Variants in PPP4R4 observed in about 807,000 individuals in gnomAD.
PPP4R4 encodes the protein protein phosphatase 4 regulatory subunit 4, also known as serine/threonine-protein phosphatase 4 regulatory subunit 4.
In PPP4R4, 70 loss-of-function variants were observed where a neutral mutation model predicts 121.8. That is an observed-to-expected ratio of 0.57 (90% confidence interval 0.47 to 0.70). The LOEUF (loss-of-function observed/expected upper bound fraction) is 0.70. Among genes scored for constraint, PPP4R4 ranks in the 30% least tolerant of loss-of-function variants. The pLI is 0.00. For missense variants in PPP4R4, 875 were observed against 1,033.6 expected (o/e 0.85, Z 2.10); for synonymous variants, 348 against 355.7 (o/e 0.98, Z 0.24).
intron 23 of PPP4R4, 83 bp from the exon 24 acceptor site, chr14:94,275,291 G>A (rs185014979): frequency 7.0e-7 from 1 of 1,432,188 alleles, no homozygotes; most frequent in Admixed American, 1.9e-5. Context: ...GAAAAAGTTA[G>A]CTATCATTAA....
At chr14:94,276,304 C>G (rs898964335) in intron 24 of PPP4R4, among the ~76,000 whole-genome samples, 7 of 152,168 alleles carry the variant, frequency 4.6e-5, no homozygotes, top group African/African-American at 1.7e-4. Context: ...TTCTTAAATA[C>G]ATTCTTTTGC....
intron 3 of PPP4R4, among the ~76,000 whole-genome samples, chr14:94,228,259 A>G (rs1372128738): frequency 6.6e-6 from 1 of 152,212 alleles, no homozygotes; most frequent in Non-Finnish European, 1.5e-5. Flanking sequence ...TCATGCCTTA[A>G]TAAATGATGA....
At chr14:94,229,307 C>T (rs1038696910) in intron 3 of PPP4R4, among the ~76,000 whole-genome samples, 1 of 151,916 alleles carries the variant, frequency 6.6e-6, no homozygotes, top group Non-Finnish European at 1.5e-5. Flanking sequence ...TGAAGGTAGA[C>T]CCTTCAGGAT....
intron 23 of PPP4R4, among the ~76,000 whole-genome samples, chr14:94,272,135 G>A (rs1894368327): frequency 6.6e-6 from 1 of 152,172 alleles, no homozygotes; most frequent in African/African-American, 2.4e-5. Flanking sequence ...ATCCCAACAA[G>A]TTATTTGGTG....
chr14:94,250,138 T>C (rs766754019), intron 14 of PPP4R4, 34 bp from the exon 15 acceptor site: 1 of 1,373,446 alleles, frequency 7.3e-7, no homozygotes, highest in South Asian at 1.2e-5. Context: ...AGAATTAGCC[T>C]AGTGTAACTG....
In PPP4R4 at chr14:94,236,204, C is replaced by T. The variant is rs569126023; in HGVS notation, c.732-1361C>T. Among the ~76,000 whole-genome samples the T allele has an allele frequency of 2.6e-5, 4 of 151,914 alleles. No homozygotes were observed. In the East Asian group the frequency reaches 7.7e-4, roughly 29 times the overall value. On this transcript the variant is annotated intron_variant, in intron 7 of 24. Coordinates refer to ENST00000304338, the MANE Select transcript of PPP4R4 (RefSeq NM_058237.2). The stretch of plus-strand genomic sequence containing the variant: ...GTTATGATTATTTTCTTTTTTAATG[C>T]CCAGAGATAATTAAGTTGAATTTGC...
intron 3 of PPP4R4, among the ~76,000 whole-genome samples, chr14:94,211,990 A>G (rs2139460102): frequency 6.6e-6 from 1 of 152,334 alleles, no homozygotes; most frequent in Non-Finnish European, 1.5e-5. Flanking sequence ...TGAATGATTT[A>G]CTTTTAGATA....
At chr14:94,276,443 A>G (rs1180903258) in intron 24 of PPP4R4, among the ~76,000 whole-genome samples, 1 of 152,226 alleles carries the variant, frequency 6.6e-6, no homozygotes, top group Non-Finnish European at 1.5e-5. Flanking sequence ...CAGACTTTAC[A>G]GGAAGCATAG....
chr14:94,263,580 A>G (rs2139637990), intron 19 of PPP4R4, among the ~76,000 whole-genome samples: 1 of 152,304 alleles, frequency 6.6e-6, no homozygotes, highest in Non-Finnish European at 1.5e-5. Flanking sequence ...AGTGGGAGAA[A>G]CTGTAGGGAA....
At position 94,251,813 on chromosome 14, in the gene PPP4R4, A is replaced by T. The variant is rs368087570; in HGVS notation, c.1782A>T (p.Ile594=). 5 of 1,598,930 alleles carry T rather than the reference A, an allele frequency of 3.1e-6. No individual in the cohort carries two copies. In the African/African-American group the frequency reaches 6.7e-5, roughly 21 times the overall value. ...TTTTGGATACCTGTGAATTTATTAT[A>T]GAGATATTTTCAAAATCATTTTTCT... ...LRFLDTCEFI[I]EIFSKSFFCK... Residue 594 remains isoleucine (I), a synonymous_variant, in exon 16 of 25, where the codon ATA becomes ATT. Coordinates refer to ENST00000304338, the MANE Select transcript of PPP4R4 (RefSeq NM_058237.2).
chr14:94,276,709 C>T (rs1894660715), intron 24 of PPP4R4, among the ~76,000 whole-genome samples: 1 of 152,138 alleles, frequency 6.6e-6, no homozygotes, highest in Non-Finnish European at 1.5e-5. Context: ...TACAATTCAA[C>T]ATGAGATTTG....
At chr14:94,180,944 C>T (rs182359231) in intron 2 of PPP4R4, among the ~76,000 whole-genome samples, 14 of 152,108 alleles carry the variant, frequency 9.2e-5, no homozygotes, top group East Asian at 1.9e-4. Context: ...AGAACTCTGG[C>T]GTACTTCTTC....
intron 15 of PPP4R4, among the ~76,000 whole-genome samples, chr14:94,251,398 A>T (rs952183073): frequency 6.6e-6 from 1 of 152,070 alleles, no homozygotes; most frequent in Non-Finnish European, 1.5e-5. Flanking sequence ...AAGAGGAAGA[A>T]GTATGTGCAT....
At chr14:94,238,992 C>T (rs960939103) in intron 8 of PPP4R4, among the ~76,000 whole-genome samples, 14 of 152,118 alleles carry the variant, frequency 9.2e-5, no homozygotes, top group African/African-American at 3.4e-4. Context: ...TTTTACTGCC[C>T]ACACCCATTT....
chr14:94,176,107 A>G lies in PPP4R4; in HGVS notation c.171A>G (p.Glu57=). ...TCGATGAAGACCTCAGTGATATTGA[A>G]AGGGCTGTTTATCTGCTCAGGTATT... is the stretch of plus-strand genomic sequence containing the variant. ...LTVDEDLSDI[E]RAVYLLSAGQ... The change falls in exon 2 of 25, where the codon GAA becomes GAG. Residue 57 remains glutamate (E), a synonymous_variant. Coordinates refer to ENST00000304338, the MANE Select transcript of PPP4R4 (RefSeq NM_058237.2). The G allele has an allele frequency of 6.2e-7, 1 of 1,611,974 alleles. No homozygotes were observed. Among genetic ancestry groups the G allele is most frequent in the Non-Finnish European group, 8.5e-7 (1 of 1,177,982 alleles).
rs116254566 is a variant in PPP4R4, at chr14:94,273,014, A to G, written c.2450-2360A>G. ...CAAATGCTGGTGAGGATGTGAAGCA[A>G]TGGGAACTCTCATTCATTGCTGGTG... On this transcript the variant is annotated intron_variant, in intron 23 of 24. Transcript: ENST00000304338. Among the ~76,000 whole-genome samples, 891 of 152,296 alleles carry G rather than the reference A, an allele frequency of 5.9e-3. 10 individuals carry two copies. The highest frequency in any genetic ancestry group is 0.02 in the African/African-American group (851 of 41,570).
chr14:94,271,962 A>G (rs1005910939), intron 23 of PPP4R4, among the ~76,000 whole-genome samples: 6 of 152,312 alleles, frequency 3.9e-5, no homozygotes, highest in Admixed American at 6.5e-5. Flanking sequence ...CTAACAAAAT[A>G]TGTACAAGAT....
intron 23 of PPP4R4, 117 bp downstream of exon 23, chr14:94,267,146 C>A: frequency 3.3e-6 from 2 of 613,312 alleles, no homozygotes; most frequent in Non-Finnish European, 5.4e-6. Flanking sequence ...AAATCTTTAT[C>A]AGGTCCCTAA....
chr14:94,177,104 A>T (rs897848255), intron 2 of PPP4R4, among the ~76,000 whole-genome samples: 1 of 152,140 alleles, frequency 6.6e-6, no homozygotes, highest in African/African-American at 2.4e-5. Flanking sequence ...CAGGTCTTCA[A>T]TTTTCTTAAT....
Sources: allele counts gnomAD v4.1 joint callset (sites outside exome capture counted in the v4.1 genomes callset), GRCh38; gene constraint gnomAD v4.1.1; transcripts MANE v1.5; gene names NCBI Gene and HGNC (gene_info 2026-07-23, HGNC 2026-07-21).